Variants in CSMD3 observed in about 807,000 individuals in gnomAD.
CSMD3 encodes CUB and Sushi multiple domains 3, also known as CUB and sushi domain-containing protein 3.
Under a neutral mutation model 435.2 loss-of-function variants are expected in CSMD3, and 177 were observed. That is an observed-to-expected ratio of 0.41 (90% CI 0.36 to 0.46). The LOEUF is 0.46. Among genes scored for constraint, CSMD3 ranks in the 20% least tolerant of loss-of-function variants. The probability of loss-of-function intolerance (pLI) is 0.34; values close to 1 mark genes in which losing one functional copy is unlikely to be tolerated. For missense variants in CSMD3, 4,265 were observed against 4,504.6 expected (o/e 0.95, Z 1.52); for synonymous variants, 1,656 against 1,520.5 (o/e 1.09, Z -2.07).
intron 4 of CSMD3, among the ~76,000 whole-genome samples, chr8:113,158,633 G>T (rs2091979696): frequency 6.6e-6 from 1 of 151,864 alleles, no homozygotes; most frequent in African/African-American, 2.4e-5. Flanking sequence ...TAAACTTACA[G>T]ATCTTTTTAA....
chr8:112,697,106 G>T (rs1586995755), intron 13 of CSMD3, among the ~76,000 whole-genome samples: 1 of 151,524 alleles, frequency 6.6e-6, no homozygotes, highest in Non-Finnish European at 1.5e-5. Context: ...TGGAGAAATA[G>T]GAACACTTTT....
chr8:113,205,137 C>T (rs147996457), intron 3 of CSMD3, among the ~76,000 whole-genome samples: 1 of 152,072 alleles, frequency 6.6e-6, no homozygotes, highest in Non-Finnish European at 1.5e-5. Context: ...ACACCCGTCA[C>T]CCTGCCCGGC....
chr8:112,882,603 G>C (rs1202870514), intron 10 of CSMD3, among the ~76,000 whole-genome samples: 1 of 151,954 alleles, frequency 6.6e-6, no homozygotes, highest in Non-Finnish European at 1.5e-5. Flanking sequence ...GTGAACCACA[G>C]ATCCTACTGT....
chr8:113,412,393 A>G (rs2094563653), intron 1 of CSMD3, among the ~76,000 whole-genome samples: 1 of 152,130 alleles, frequency 6.6e-6, no homozygotes, highest in Admixed American at 6.6e-5. Flanking sequence ...AAAGAAGTTG[A>G]GAAAACCAAG....
intron 45 of CSMD3, among the ~76,000 whole-genome samples, chr8:112,328,682 G>A (rs1260459514): frequency 6.6e-6 from 1 of 152,104 alleles, no homozygotes; most frequent in African/African-American, 2.4e-5. Context: ...CTAGTGAGAG[G>A]GGATTGGATC....
intron 12 of CSMD3, among the ~76,000 whole-genome samples, chr8:112,810,378 T>TAACA (rs1487560060): frequency 6.5e-5 from 3 of 46,372 alleles, no homozygotes; most frequent in East Asian, 2.1e-3. Flanking sequence ...AACATCTAAT[T>TAACA]AACAGACAAA....
chr8:112,296,497 C>A (rs190587210), intron 53 of CSMD3, among the ~76,000 whole-genome samples: 13 of 151,296 alleles, frequency 8.6e-5, no homozygotes, highest in Non-Finnish European at 1.6e-4. Flanking sequence ...TTGCAGTGAG[C>A]GCAGATCGCG....
intron 3 of CSMD3, among the ~76,000 whole-genome samples, chr8:113,269,633 C>G (rs1444638432): frequency 2.0e-5 from 3 of 151,938 alleles, no homozygotes; most frequent in African/African-American, 7.3e-5. Flanking sequence ...TGGAACAGAA[C>G]AGAGCCCTCA....
At chr8:113,065,418 G>C (rs902016508) in intron 5 of CSMD3, among the ~76,000 whole-genome samples, 1 of 151,876 alleles carries the variant, frequency 6.6e-6, no homozygotes, top group Non-Finnish European at 1.5e-5. Flanking sequence ...ACGGAGTCTC[G>C]CTCTGTCGCC....
chr8:113,070,111 A>T (rs1185678778), intron 5 of CSMD3, among the ~76,000 whole-genome samples: 1 of 152,080 alleles, frequency 6.6e-6, no homozygotes. Context: ...ACTTCTAGCC[A>T]CATTTAGCAC....
At chr8:112,525,821 T>TAAA (rs200958191) in intron 27 of CSMD3, among the ~76,000 whole-genome samples, 19 of 132,508 alleles carry the variant, frequency 1.4e-4, no homozygotes, top group Middle Eastern at 4.3e-3. Context: ...CACACACATA[T>TAAA]AAAAAATATA....
intron 3 of CSMD3, among the ~76,000 whole-genome samples, chr8:113,180,631 A>G (rs1338497865): frequency 1.3e-5 from 2 of 152,028 alleles, no homozygotes; most frequent in Non-Finnish European, 2.9e-5. Context: ...GAAAAATTTA[A>G]AAGTTAATTA....
In CSMD3 at chr8:112,341,690, A is replaced by G. The variant is rs1825130877; in HGVS notation, c.6443-4T>C. The stretch of plus-strand genomic sequence containing the variant: ...TTTACAAACTGGAGATGTACACCTG[A>G]AGAAGAAAACAAACAGAATGCTACT... On this transcript the variant is annotated splice_region_variant and splice_polypyrimidine_tract_variant and intron_variant, in intron 41 of 70. Transcript: ENST00000297405. 6.4e-7 allele frequency: 1 copy of G among 1,560,126 alleles called. No individual in the cohort carries two copies. Among genetic ancestry groups the G allele is most frequent in the African/African-American group, 1.4e-5 (1 of 73,582 alleles).
intron 24 of CSMD3, among the ~76,000 whole-genome samples, chr8:112,564,997 G>A (rs1188618184): frequency 6.6e-6 from 1 of 152,026 alleles, no homozygotes; most frequent in Non-Finnish European, 1.5e-5. Flanking sequence ...CCTTAGATAT[G>A]TAAGTTTAAA....
At chr8:113,270,097 G>A (rs2093508322) in intron 3 of CSMD3, among the ~76,000 whole-genome samples, 1 of 151,808 alleles carries the variant, frequency 6.6e-6, no homozygotes, top group African/African-American at 2.4e-5. Context: ...AATCTACAAT[G>A]AACTCAAACA....
Position 112,362,839 on chromosome 8 carries a change from T to C in CSMD3, c.6137-10305A>G, listed in dbSNP as rs117476546. 5.0e-4 allele frequency among the ~76,000 whole-genome samples: 76 copies of C among 152,102 alleles called. No individual in the cohort carries two copies. The East Asian group carries it at 0.014, about 28-fold the overall frequency. On this transcript the variant is annotated intron_variant, in intron 38 of 70. Transcript: ENST00000297405. ...TCCTGAGGGGTAGTTGTGTATGGTG[T>C]TCTGACACAGAAAGTAACATATTAA...
At chr8:113,080,455 T>C (rs1302067167) in intron 5 of CSMD3, among the ~76,000 whole-genome samples, 3 of 152,110 alleles carry the variant, frequency 2.0e-5, no homozygotes, top group Non-Finnish European at 4.4e-5. Flanking sequence ...GCACAGAAAA[T>C]TGACATATAA....
chr8:112,573,349 C>G, intron 24 of CSMD3, 152 bp downstream of exon 24: 1 of 731,456 alleles, frequency 1.4e-6, no homozygotes, highest in Non-Finnish European at 2.4e-6. Context: ...ACTTACCGGG[C>G]TGTTGTTAGG....
At chr8:112,944,065 G>A (rs1025915080) in intron 9 of CSMD3, among the ~76,000 whole-genome samples, 1 of 151,582 alleles carries the variant, frequency 6.6e-6, no homozygotes, top group African/African-American at 2.4e-5. Flanking sequence ...AATTTACTTA[G>A]CAAGGCAACA....
Sources: allele counts gnomAD v4.1 joint callset (sites outside exome capture counted in the v4.1 genomes callset), GRCh38; gene constraint gnomAD v4.1.1; transcripts MANE v1.5; gene names NCBI Gene and HGNC (gene_info 2026-07-23, HGNC 2026-07-21).